RIMS2: variants seen among roughly 807,000 people sequenced by gnomAD.
RIMS2 encodes the protein regulating synaptic membrane exocytosis 2, also known as regulating synaptic membrane exocytosis protein 2.
RIMS2 carries 59 observed loss-of-function variants against 174.4 expected under a neutral mutation model. The ratio of observed to expected loss-of-function variants is 0.34; its 90% CI spans 0.27 to 0.42. The LOEUF (loss-of-function observed/expected upper bound fraction) is 0.42. Among genes scored for constraint, RIMS2 ranks in the 10% least tolerant of loss-of-function variants. The pLI, the probability that RIMS2 is intolerant of heterozygous loss-of-function variation, is 1.00. For synonymous variants in RIMS2, 606 were observed against 572.5 expected (o/e 1.06, Z -0.84); for missense variants, 1,620 against 1,666.3 (o/e 0.97, Z 0.48).
intron 19 of RIMS2, among the ~76,000 whole-genome samples, chr8:104,218,511 A>C (rs1048811128): frequency 6.6e-6 from 1 of 152,208 alleles, no homozygotes; most frequent in Non-Finnish European, 1.5e-5. Flanking sequence ...TTTATTGTGC[A>C]CTTTATTTCT....
At chr8:103,950,917 T>C (rs2085195125) in intron 14 of RIMS2, among the ~76,000 whole-genome samples, 1 of 152,210 alleles carries the variant, frequency 6.6e-6, no homozygotes, top group South Asian at 2.1e-4. Flanking sequence ...TCTATCAAGG[T>C]TACTGGATAT....
chr8:104,215,115 G>T (rs1399202328), intron 19 of RIMS2, among the ~76,000 whole-genome samples: 1 of 152,066 alleles, frequency 6.6e-6, no homozygotes, highest in African/African-American at 2.4e-5. Context: ...AATTTGAAAA[G>T]TCAACTAGAC....
At chr8:103,985,195 G>T (rs936453049) in intron 16 of RIMS2, among the ~76,000 whole-genome samples, 3 of 151,882 alleles carry the variant, frequency 2.0e-5, no homozygotes, top group Admixed American at 2.0e-4. Context: ...TATAATCGGG[G>T]CCAGGCACGG....
intron 1 of RIMS2, among the ~76,000 whole-genome samples, chr8:103,649,676 T>G (rs1461251519): frequency 5.9e-5 from 9 of 151,644 alleles, no homozygotes; most frequent in Non-Finnish European, 1.3e-4. Flanking sequence ...TGTTCTTGTA[T>G]GCCTGTCTTA....
intron 1 of RIMS2, among the ~76,000 whole-genome samples, chr8:103,595,734 G>A (rs1330180296): frequency 6.6e-6 from 1 of 151,900 alleles, no homozygotes; most frequent in Non-Finnish European, 1.5e-5. Context: ...CATCTCAATG[G>A]AAGAGATGTA....
chr8:104,156,606 A>T (rs971839), intron 19 of RIMS2, among the ~76,000 whole-genome samples: 120,237 of 152,152 alleles, frequency 0.79, 48,250 homozygotes, highest in East Asian at 1. Context: ...AATCACCTTT[A>T]AAAATATCTG....
intron 2 of RIMS2, among the ~76,000 whole-genome samples, chr8:103,737,197 T>C (rs2097697262): frequency 7.1e-6 from 1 of 141,266 alleles, no homozygotes; most frequent in Non-Finnish European, 1.5e-5. Flanking sequence ...TTTTTTTTTT[T>C]TTTTGAGACA....
chr8:103,950,236 A>G (rs914613656), intron 14 of RIMS2, among the ~76,000 whole-genome samples: 1 of 152,148 alleles, frequency 6.6e-6, no homozygotes, highest in African/African-American at 2.4e-5. Flanking sequence ...CTCTTGCAGA[A>G]TATTATAACG....
intron 3 of RIMS2, chr8:103,819,352 C>CT: frequency 6.6e-7 from 1 of 1,508,630 alleles, no homozygotes; most frequent in South Asian, 1.3e-5. Flanking sequence ...GTACAATTAA[C>CT]TATCAACCTC....
intron 1 of RIMS2, among the ~76,000 whole-genome samples, chr8:103,540,925 T>C (rs1433825709): frequency 2.6e-5 from 4 of 151,738 alleles, no homozygotes; most frequent in East Asian, 3.9e-4. Flanking sequence ...GAAGAAAGAA[T>C]TGGTGAATTC....
At chr8:103,629,193 C>G (rs980241105) in intron 1 of RIMS2, among the ~76,000 whole-genome samples, 1 of 152,152 alleles carries the variant, frequency 6.6e-6, no homozygotes, top group Non-Finnish European at 1.5e-5. Flanking sequence ...TCCTCCATCC[C>G]CATGATGCAA....
chr8:103,626,200 A>T (rs1411430364), intron 1 of RIMS2, among the ~76,000 whole-genome samples: 1 of 152,168 alleles, frequency 6.6e-6, no homozygotes, highest in Non-Finnish European at 1.5e-5. Context: ...TATTTGTATT[A>T]ACAGAATTGT....
At chr8:103,632,306 C>G (rs989663497) in intron 1 of RIMS2, among the ~76,000 whole-genome samples, 1 of 152,146 alleles carries the variant, frequency 6.6e-6, no homozygotes, top group Non-Finnish European at 1.5e-5. Flanking sequence ...TCCTTCATTT[C>G]CTAGTAGAGT....
At chr8:104,018,731 A>G (rs2095997265) in intron 19 of RIMS2, among the ~76,000 whole-genome samples, 1 of 152,202 alleles carries the variant, frequency 6.6e-6, no homozygotes, top group African/African-American at 2.4e-5. Flanking sequence ...AATTATAAAG[A>G]AATATAGAAC....
At chr8:103,978,936 T>G (rs2093672431) in intron 16 of RIMS2, among the ~76,000 whole-genome samples, 1 of 152,184 alleles carries the variant, frequency 6.6e-6, no homozygotes, top group Admixed American at 6.5e-5. Flanking sequence ...ACAAATTATT[T>G]TTAACAAAAC....
chr8:104,050,242 A>G (rs1310601823), intron 19 of RIMS2, among the ~76,000 whole-genome samples: 1 of 152,164 alleles, frequency 6.6e-6, no homozygotes, highest in East Asian at 1.9e-4. Context: ...GCAGCTACTA[A>G]ATATATACGT....
intron 3 of RIMS2, among the ~76,000 whole-genome samples, chr8:103,779,753 T>G (rs2154432455): frequency 2.6e-5 from 2 of 77,986 alleles, no homozygotes; most frequent in South Asian, 4.8e-4. Flanking sequence ...GGGCCTGTCA[T>G]GGGGTGGGGG....
At chr8:104,000,236 C>T (rs1184726837) in intron 17 of RIMS2, among the ~76,000 whole-genome samples, 2 of 151,502 alleles carry the variant, frequency 1.3e-5, no homozygotes, top group African/African-American at 4.8e-5. Flanking sequence ...TTGGTAACTA[C>T]CATTCTATTC....
chr8:103,866,507 G>C (rs1009035604), intron 3 of RIMS2, among the ~76,000 whole-genome samples: 1 of 151,848 alleles, frequency 6.6e-6, no homozygotes, highest in African/African-American at 2.4e-5. Context: ...TCCCTTTTTG[G>C]TAACTTATTT....
Sources: allele counts gnomAD v4.1 joint callset (sites outside exome capture counted in the v4.1 genomes callset), GRCh38; gene constraint gnomAD v4.1.1; transcripts MANE v1.5; gene names NCBI Gene and HGNC (gene_info 2026-07-23, HGNC 2026-07-21).